The following USH2A variants were observed in gnomAD, a reference collection of about 807,000 sequenced individuals.
USH2A encodes Usher syndrome 2A (autosomal recessive, mild).
USH2A carries 443 observed loss-of-function variants against 538.9 expected under a neutral mutation model. The ratio of observed to expected loss-of-function variants is 0.82; its 90% CI spans 0.76 to 0.89. The LOEUF is 0.89. Ranked by LOEUF, USH2A falls within the 40% of genes least tolerant of loss-of-function variation. The probability of loss-of-function intolerance (pLI) is 0.00; values close to 1 mark genes in which losing one functional copy is unlikely to be tolerated. For synonymous variants in USH2A, 2,413 were observed against 2,273.5 expected, an observed-to-expected ratio of 1.06 and a Z score of -1.75; for missense variants, 6,633 against 6,324.8, an observed-to-expected ratio of 1.05 and a Z score of -1.65.
At chr1:216,146,749 C>T (rs929768209) in intron 21 of USH2A, among the ~76,000 whole-genome samples, 2 of 152,092 alleles carry the variant, frequency 1.3e-5, no homozygotes, top group African/African-American at 4.8e-5. Flanking sequence ...AACCCCACTC[C>T]CCTCCTCCGT....
At chr1:215,826,508 C>G (rs768041861) in intron 47 of USH2A, among the ~76,000 whole-genome samples, 1 of 152,112 alleles carries the variant, frequency 6.6e-6, no homozygotes, top group Non-Finnish European at 1.5e-5. Context: ...AAAGAGCAAG[C>G]TACAATTAGG....
At chr1:216,404,618 CTTT>C (rs375562284) in intron 3 of USH2A, among the ~76,000 whole-genome samples, 4 of 110,034 alleles carry the variant, frequency 3.6e-5, no homozygotes, top group Admixed American at 1.1e-4. Context: ...GAAACATAGG[CTTT>C]TTTTTTTTTT....
At chr1:216,103,170 A>T (rs1181897110) in intron 21 of USH2A, among the ~76,000 whole-genome samples, 3 of 152,208 alleles carry the variant, frequency 2.0e-5, no homozygotes, top group Non-Finnish European at 4.4e-5. Context: ...CCTGGCTGGG[A>T]TTTAGAAAGG....
chr1:216,161,681 A>AT (rs2034062496), intron 21 of USH2A, among the ~76,000 whole-genome samples: 1 of 151,804 alleles, frequency 6.6e-6, no homozygotes. Context: ...ACACTTTATG[A>AT]TTTTTATAAT....
At chr1:215,650,929 A>C in intron 64 of USH2A, 128 bp from the exon 65 acceptor site, 1 of 984,570 alleles carries the variant, frequency 1.0e-6, no homozygotes, top group Non-Finnish European at 1.5e-6. Flanking sequence ...GAAGAGATAA[A>C]CTTTGATCTT....
intron 11 of USH2A, among the ~76,000 whole-genome samples, chr1:216,281,742 A>G (rs1008523661): frequency 6.6e-6 from 1 of 152,076 alleles, no homozygotes; most frequent in Non-Finnish European, 1.5e-5. Flanking sequence ...TGGTAATTCC[A>G]TCTTTAATAT....
chr1:216,276,798 G>C (rs2036678570), intron 11 of USH2A, among the ~76,000 whole-genome samples: 1 of 152,008 alleles, frequency 6.6e-6, no homozygotes, highest in South Asian at 2.1e-4. Flanking sequence ...GATCTCATGA[G>C]ACTCATTCAT....
chr1:216,135,465 A>C (rs1025800255), intron 21 of USH2A, among the ~76,000 whole-genome samples: 1 of 151,874 alleles, frequency 6.6e-6, no homozygotes, highest in African/African-American at 2.4e-5. Flanking sequence ...ATTCAATTTC[A>C]CTCTTATAGT....
intron 3 of USH2A, among the ~76,000 whole-genome samples, chr1:216,371,473 T>G (rs143755364): frequency 9.2e-5 from 14 of 152,324 alleles, no homozygotes; most frequent in African/African-American, 3.4e-4. Flanking sequence ...CAGCTAAAAC[T>G]GATAAATTAA....
At chr1:216,114,878 TTAAGTTAAAATG>T (rs2032966056) in intron 21 of USH2A, among the ~76,000 whole-genome samples, 2 of 152,126 alleles carry the variant, frequency 1.3e-5, no homozygotes, top group South Asian at 4.1e-4. Flanking sequence ...ATATAAAGTT[TTAAGTTAAAATG>T]TATAGATAGA....
intron 46 of USH2A, among the ~76,000 whole-genome samples, chr1:215,842,836 C>T (rs1663721297): frequency 6.6e-6 from 1 of 151,944 alleles, no homozygotes; most frequent in Non-Finnish European, 1.5e-5. Flanking sequence ...GGGAGATCAT[C>T]AGAATAAATA....
intron 43 of USH2A, among the ~76,000 whole-genome samples, chr1:215,869,101 A>C (rs1023212845): frequency 4.6e-5 from 7 of 152,214 alleles, no homozygotes; most frequent in Non-Finnish European, 8.8e-5. Flanking sequence ...CATTTTCTAC[A>C]GATGTTAACC....
At chr1:215,974,683 G>A (rs1571859467) in intron 35 of USH2A, among the ~76,000 whole-genome samples, 1 of 152,084 alleles carries the variant, frequency 6.6e-6, no homozygotes, top group Non-Finnish European at 1.5e-5. Flanking sequence ...GGTTTTTTCT[G>A]TGGTTGTATA....
chr1:215,764,848 G>A (rs976709948), intron 56 of USH2A, among the ~76,000 whole-genome samples: 1 of 151,804 alleles, frequency 6.6e-6, no homozygotes, highest in Non-Finnish European at 1.5e-5. Flanking sequence ...TCATATATGG[G>A]TTATATATAA....
In USH2A at chr1:216,289,530, A is replaced by G. The variant is rs1261209287; in HGVS notation, c.1841-120T>C. 9.7e-6 allele frequency: 13 copies of G among 1,345,940 alleles called. No individual in the cohort carries two copies. The Admixed American group carries it at 2.3e-4, about 24-fold the overall frequency. 83.4% of individuals were successfully genotyped at this position (1,345,940 alleles called of 1,614,324 possible). ...TATAATTTTCGGAACGTCCGTTTTA[A>G]TGCACCTTTCATCTCTACCTGCCAA... On this transcript the variant is annotated intron_variant, in intron 10 of 71. Coordinates refer to ENST00000307340, the MANE Select transcript of USH2A (RefSeq NM_206933.4).
Position 215,803,000 on chromosome 1 carries a change from T to C in USH2A, c.9740-3875A>G, listed in dbSNP as rs1198598167. On this transcript the variant is annotated intron_variant, in intron 49 of 71. Transcript: ENST00000307340. The stretch of plus-strand genomic sequence containing the variant: ...AACATACACAAATCAATAAACATAA[T>C]CCAGCATATAAACAGAACCAGCGAC... Among the ~76,000 whole-genome samples, 7 of 152,186 alleles carry C rather than the reference T, an allele frequency of 4.6e-5. 1 individual carries two copies. The highest frequency in any genetic ancestry group is 3.4e-3 in the Middle Eastern group (1 of 294).
chr1:216,384,395 T>C (rs1214708668), intron 3 of USH2A, among the ~76,000 whole-genome samples: 1 of 151,888 alleles, frequency 6.6e-6, no homozygotes, highest in African/African-American at 2.4e-5. Context: ...AAATGCTAAA[T>C]GAAATAAGAA....
chr1:216,086,674 T>C (rs867448888), intron 24 of USH2A, 45 bp downstream of exon 24: 4 of 1,385,850 alleles, frequency 2.9e-6, no homozygotes, highest in Non-Finnish European at 4.1e-6. Context: ...ACAGGTTCTA[T>C]TCTAAGTTTG....
At chr1:215,655,531 T>A (rs1251778009) in intron 64 of USH2A, among the ~76,000 whole-genome samples, 1 of 152,060 alleles carries the variant, frequency 6.6e-6, no homozygotes, top group Non-Finnish European at 1.5e-5. Flanking sequence ...CCAATTTCTC[T>A]CAACCCAACA....
Sources: gnomAD v4.1 joint callset for allele counts (sites outside exome capture counted in the v4.1 genomes callset) on GRCh38, gnomAD v4.1.1 for gene constraint, MANE v1.5 for transcripts, NCBI Gene and HGNC (gene_info 2026-07-23, HGNC 2026-07-21) for gene names.